Variants in HIBCH observed in about 807,000 individuals in gnomAD.
HIBCH encodes the protein 3-hydroxyisobutyryl-CoA hydrolase.
Under a neutral mutation model 58.2 loss-of-function variants are expected in HIBCH, and 50 were observed. That is an observed-to-expected ratio of 0.86 (90% confidence interval 0.68 to 1.09). The LOEUF (loss-of-function observed/expected upper bound fraction) is 1.09. Ranked by LOEUF, HIBCH falls within the 50% of genes least tolerant of loss-of-function variation. The pLI is 0.00. For missense variants in HIBCH, 450 were observed against 449.7 expected (o/e 1.00, Z -0.01); for synonymous variants, 151 against 146.9 (o/e 1.03, Z -0.20).
In HIBCH at chr2:190,193,117, T is replaced by C. The variant is rs72915409; in HGVS notation, c.*18-3120A>G. ...AAAGTGTTGTCTTTCACCACTAACA[T>C]TACTTTTGAGGAAGGCCTTCCTATT... is the stretch of plus-strand genomic sequence containing the variant. On this transcript the variant is annotated intron_variant, in intron 1 of 1. Coordinates refer to the HIBCH transcript ENST00000399855. 6.4e-3 allele frequency among the ~76,000 whole-genome samples: 971 copies of C among 152,224 alleles called. 7 individuals carry two copies. The highest frequency in any genetic ancestry group is 9.7e-3 in the Non-Finnish European group (658 of 67,966).
intron 1 of HIBCH, among the ~76,000 whole-genome samples, chr2:190,314,393 A>ACG (rs1559068684): frequency 4.3e-5 from 6 of 141,164 alleles, no homozygotes; most frequent in Non-Finnish European, 6.0e-5. Context: ...ATATATATGT[A>ACG]TATATATACG....
chr2:190,227,961 A>T (rs1297158553), intron 11 of HIBCH, among the ~76,000 whole-genome samples: 1 of 152,224 alleles, frequency 6.6e-6, no homozygotes, highest in African/African-American at 2.4e-5. Context: ...TGGGACTGTA[A>T]ACTAGTTCAA....
chr2:190,236,230 A>G lies in HIBCH; in HGVS notation c.891+8657T>C, dbSNP rs1296875055. ...TTGTTGTAAGGCTTAAATGGGAAAT[A>G]TCTCTTGGCATTTGTCCTCAGGGTT... On this transcript the variant is annotated intron_variant, in intron 11 of 13. Coordinates refer to ENST00000359678, the MANE Select transcript of HIBCH (RefSeq NM_014362.4). This position sits in a 1 kb window ranked among gnomAD's most constrained non-coding sequence, Gnocchi z 4.1. 6.6e-6 allele frequency among the ~76,000 whole-genome samples: 1 copy of G among 152,172 alleles called. No homozygotes were observed. The highest frequency in any genetic ancestry group is 1.5e-5 in the Non-Finnish European group (1 of 68,034).
intron 7 of HIBCH, among the ~76,000 whole-genome samples, chr2:190,256,627 A>G (rs568885929): frequency 2.0e-5 from 3 of 152,142 alleles, no homozygotes; most frequent in Non-Finnish European, 4.4e-5. Context: ...CCAGCTATCT[A>G]AAGATGCAGG....
chr2:190,272,253 C>T (rs1246031898), intron 6 of HIBCH, among the ~76,000 whole-genome samples: 1 of 152,162 alleles, frequency 6.6e-6, no homozygotes, highest in Non-Finnish European at 1.5e-5. Flanking sequence ...GTTTTATCAC[C>T]AGAGCCCAAC....
chr2:190,305,415 T>C (rs576493033), intron 2 of HIBCH, among the ~76,000 whole-genome samples: 1 of 152,178 alleles, frequency 6.6e-6, no homozygotes, highest in African/African-American at 2.4e-5. Flanking sequence ...CGGATAGTTC[T>C]CTGGCTTGTG....
Position 190,250,174 on chromosome 2 carries a change from C to T in HIBCH, c.664-448G>A, listed in dbSNP as rs13384409. 1,029 of 337,784 alleles carry T rather than the reference C, an allele frequency of 3.0e-3. 13 individuals carry two copies. The highest frequency in any genetic ancestry group is 0.021 in the African/African-American group (977 of 46,504). 20.9% of individuals were successfully genotyped at this position (337,784 alleles called of 1,614,324 possible). A position where few individuals can be genotyped will look rare whatever the true frequency, so the allele number is the denominator to read the frequency against. On this transcript the variant is annotated intron_variant, in intron 8 of 13. Transcript: ENST00000359678. ...AGCCAAACAGGACTTTTTACTGTTC[C>T]CAGAGCATAGCTAATGCTTTCTTGC...
intron 2 of HIBCH, among the ~76,000 whole-genome samples, chr2:190,308,866 G>A (rs940701880): frequency 6.6e-6 from 1 of 152,126 alleles, no homozygotes; most frequent in East Asian, 1.9e-4. Context: ...CTCTGTCAGA[G>A]GCTATAGGGC....
chr2:190,221,268 G>C (rs1685712948), intron 11 of HIBCH, among the ~76,000 whole-genome samples: 1 of 152,180 alleles, frequency 6.6e-6, no homozygotes, highest in African/African-American at 2.4e-5. Flanking sequence ...TGCTGGGTTA[G>C]AATCCTAGGC....
At chr2:190,208,597 C>G in intron 13 of HIBCH, 1 of 451,260 alleles carries the variant, frequency 2.2e-6, no homozygotes, top group Middle Eastern at 6.3e-4. Context: ...GTTTAATTTT[C>G]ACTACTAAAA....
At chr2:190,293,139 TGACGATCACAGGCCA>T (rs1245929510) in intron 4 of HIBCH, among the ~76,000 whole-genome samples, 5 of 152,150 alleles carry the variant, frequency 3.3e-5, no homozygotes, top group Admixed American at 2.6e-4. Context: ...ACCTGTAAAC[TGACGATCACAGGCCA>T]GACGAAAGGC....
At chr2:190,237,759 C>T (rs568351323) in intron 11 of HIBCH, among the ~76,000 whole-genome samples, 1 of 152,062 alleles carries the variant, frequency 6.6e-6, no homozygotes, top group Admixed American at 6.6e-5. Flanking sequence ...CCCATTAACC[C>T]GTCATCTAGG....
Position 190,205,052 on chromosome 2 carries a change from G to T in HIBCH, c.*65C>A. 1.2e-6 allele frequency: 1 copy of T among 828,750 alleles called. No homozygotes were observed. The highest frequency in any genetic ancestry group is 2.1e-6 in the Non-Finnish European group (1 of 477,806). The allele number at this position is 828,750 out of a possible 1,614,324, so 51.3% of individuals were successfully genotyped here. On this transcript the variant is annotated 3_prime_UTR_variant, in exon 14 of 14. Transcript: ENST00000359678. ...GTATATAAAAACAGGCAGCAGGCTG[G>T]ATTTGGCCCACATGCTGTAGATTGC...
chr2:190,301,106 C>G (rs922789729), intron 2 of HIBCH, among the ~76,000 whole-genome samples: 1 of 152,250 alleles, frequency 6.6e-6, no homozygotes, highest in African/African-American at 2.4e-5. Flanking sequence ...ATTTCCCACT[C>G]TCTTGCTGAA....
At position 190,209,575 on chromosome 2, in the gene HIBCH, T is replaced by G. The variant is rs1468838695; in HGVS notation, c.1012-662A>C. 1.3e-5 allele frequency among the ~76,000 whole-genome samples: 2 copies of G among 152,226 alleles called. No homozygotes were observed. The highest frequency in any genetic ancestry group is 2.9e-5 in the Non-Finnish European group (2 of 68,036). The stretch of plus-strand genomic sequence containing the variant: ...CTTCTTTAAAAATACGAGAAGCTCT[T>G]AGATATGAAGTCTTGTCTTCTCACC... On this transcript the variant is annotated intron_variant, in intron 12 of 13. Coordinates refer to ENST00000359678, the MANE Select transcript of HIBCH (RefSeq NM_014362.4). This position sits in a 1 kb window ranked among gnomAD's most constrained non-coding sequence, Gnocchi z 5.6.
chr2:190,298,381 G>T (rs903265560), intron 2 of HIBCH, among the ~76,000 whole-genome samples: 1 of 152,040 alleles, frequency 6.6e-6, no homozygotes, highest in African/African-American at 2.4e-5. Flanking sequence ...GCGTAAAAGC[G>T]TTCTTATTTC....
In HIBCH at chr2:190,227,671, T is replaced by C. The variant is rs546209892; in HGVS notation, c.892-14596A>G. Reference sequence around the variant, plus strand: ...ATCTACCCATCTGACAAAGGGCTAATATCCAGAATCTACAAAGAACCTAAA... The same window carrying C: ...ATCTACCCATCTGACAAAGGGCTAACATCCAGAATCTACAAAGAACCTAAA... On this transcript the variant is annotated intron_variant, in intron 11 of 13. Coordinates refer to ENST00000359678, the MANE Select transcript of HIBCH (RefSeq NM_014362.4). Among the ~76,000 whole-genome samples the C allele has an allele frequency of 1.2e-4, 19 of 152,230 alleles. No homozygotes were observed. In the South Asian group the frequency reaches 2.3e-3, roughly 18 times the overall value.
At chr2:190,218,577 G>C (rs1685625829) in intron 11 of HIBCH, among the ~76,000 whole-genome samples, 1 of 152,030 alleles carries the variant, frequency 6.6e-6, no homozygotes, top group Non-Finnish European at 1.5e-5. Context: ...TAACTTTAAG[G>C]CAAACTAAAA....
chr2:190,238,761 C>A (rs1234745358), intron 11 of HIBCH, among the ~76,000 whole-genome samples: 1 of 152,202 alleles, frequency 6.6e-6, no homozygotes, highest in South Asian at 2.1e-4. Flanking sequence ...CCACGCCCGG[C>A]CACAAACGTC....
Sources: allele counts gnomAD v4.1 joint callset (sites outside exome capture counted in the v4.1 genomes callset), GRCh38; gene constraint gnomAD v4.1.1; non-coding constraint Gnocchi (gnomAD v3.1); transcripts MANE v1.5; gene names NCBI Gene and HGNC (gene_info 2026-07-23, HGNC 2026-07-21).